The following ELAPOR2 variants were observed in gnomAD, a reference collection of about 807,000 sequenced individuals.
The protein encoded by ELAPOR2 is endosome/lysosome-associated apoptosis and autophagy regulator family member 2.
In ELAPOR2, 89 loss-of-function variants were observed where a neutral mutation model predicts 120.7. That is an observed-to-expected ratio of 0.74 (90% CI 0.62 to 0.88). The LOEUF is 0.88. ELAPOR2 is among the 40% of genes least tolerant of loss of function. The probability of loss-of-function intolerance (pLI) is 0.00; values close to 1 mark genes in which losing one functional copy is unlikely to be tolerated. For synonymous variants in ELAPOR2, 444 were observed against 444.9 expected (o/e 1.00, Z 0.03); for missense variants, 1,134 against 1,251.6 (o/e 0.91, Z 1.42).
chr7:86,877,929 G>A lies in ELAPOR2; in HGVS notation c.*2542C>T, dbSNP rs1799230024. ...TAATTCAGTGAACACATATCAAAAT[G>A]CTCAATGTTGTTAAATGACATAATA... On this transcript the variant is annotated 3_prime_UTR_variant, in exon 22 of 22. Coordinates refer to ENST00000450689, the MANE Select transcript of ELAPOR2 (RefSeq NM_001142749.3). 6.6e-6 allele frequency: 1 copy of A among 152,104 alleles called. No homozygotes were observed. Among genetic ancestry groups the A allele is most frequent in the African/African-American group, 2.4e-5 (1 of 41,410 alleles). 9.4% of individuals were successfully genotyped at this position (152,104 alleles called of 1,614,324 possible). A position where few individuals can be genotyped will look rare whatever the true frequency, so the allele number is the denominator to read the frequency against.
chr7:86,962,246 AG>A (rs1018206839), intron 2 of ELAPOR2, among the ~76,000 whole-genome samples: 13 of 152,214 alleles, frequency 8.5e-5, no homozygotes, highest in South Asian at 2.1e-4. Context: ...TCCTCAGGAA[AG>A]GCCTCCCCCA....
At chr7:86,945,735 A>T (rs1048237478) in intron 3 of ELAPOR2, among the ~76,000 whole-genome samples, 1 of 152,174 alleles carries the variant, frequency 6.6e-6, no homozygotes, top group Admixed American at 6.5e-5. Context: ...TGCATACAGT[A>T]ATTTCTAGCC....
chr7:86,918,323 C>CAAAAAAAA (rs370415220), intron 12 of ELAPOR2, 119 bp downstream of exon 12: 5 of 173,942 alleles, frequency 2.9e-5, no homozygotes, highest in Admixed American at 1.1e-4. Flanking sequence ...CTAAGAATAG[C>CAAAAAAAA]AAAAAAAAAA....
intron 1 of ELAPOR2, among the ~76,000 whole-genome samples, chr7:86,977,885 A>G (rs1196806454): frequency 6.6e-6 from 1 of 152,222 alleles, no homozygotes; most frequent in Non-Finnish European, 1.5e-5. Context: ...TTTTGCAAGT[A>G]ATAAGTATTA....
intron 18 of ELAPOR2, among the ~76,000 whole-genome samples, chr7:86,905,715 T>G (rs1442267705): frequency 6.6e-6 from 1 of 152,174 alleles, no homozygotes; most frequent in Non-Finnish European, 1.5e-5. Context: ...TGCCTTGTGG[T>G]TTTTAAAAAT....
At chr7:86,972,378 G>A (rs1792134908) in intron 1 of ELAPOR2, among the ~76,000 whole-genome samples, 1 of 152,052 alleles carries the variant, frequency 6.6e-6, no homozygotes, top group African/African-American at 2.4e-5. Flanking sequence ...TCTCAGGAAT[G>A]CAACTTCCTT....
At chr7:86,888,378 C>T (rs537854952) in intron 21 of ELAPOR2, among the ~76,000 whole-genome samples, 198 of 152,112 alleles carry the variant, frequency 1.3e-3, no homozygotes, top group African/African-American at 4.4e-3. Context: ...CAGCTTAGAC[C>T]CTGAGAAGTA....
chr7:86,938,733 G>T, intron 7 of ELAPOR2, 75 bp downstream of exon 7: 2 of 1,496,208 alleles, frequency 1.3e-6, no homozygotes, highest in Non-Finnish European at 1.8e-6. Context: ...CTTTATGGGT[G>T]ACTTCTGGTT....
At position 86,914,780 on chromosome 7, in the gene ELAPOR2, G is replaced by T; in HGVS notation, c.1674C>A (p.Phe558Leu). Residue 558 changes from phenylalanine to leucine, a missense_variant, in exon 13 of 22, where the codon TTC becomes TTA. Coordinates refer to ENST00000450689, the MANE Select transcript of ELAPOR2 (RefSeq NM_001142749.3). ...ATGTAAATGTAAAAGTTGCATTCTT[G>T]AAGATGATATGGGTGTAAGCTTGTT... ...KEKQAYTHII[F>L]KNATFTFTWA... 1 of 1,612,730 alleles carries T rather than the reference G, an allele frequency of 6.2e-7. No homozygotes were observed. The highest frequency in any genetic ancestry group is 8.5e-7 in the Non-Finnish European group (1 of 1,179,120).
intron 1 of ELAPOR2, among the ~76,000 whole-genome samples, chr7:87,032,334 G>A (rs949615448): frequency 2.6e-5 from 4 of 152,222 alleles, no homozygotes; most frequent in Admixed American, 2.6e-4. Context: ...GCTAATATCT[G>A]TAAAACACTT....
At chr7:86,975,583 CT>C (rs748653745) in intron 1 of ELAPOR2, among the ~76,000 whole-genome samples, 3 of 152,150 alleles carry the variant, frequency 2.0e-5, no homozygotes, top group African/African-American at 2.4e-5. Context: ...TTTCCTATTT[CT>C]TTAGGTAACA....
chr7:86,927,769 C>A (rs946807559), intron 8 of ELAPOR2, among the ~76,000 whole-genome samples: 5 of 151,982 alleles, frequency 3.3e-5, no homozygotes, highest in African/African-American at 1.2e-4. Flanking sequence ...AAAAGGAATT[C>A]TAAATGCAAA....
intron 2 of ELAPOR2, among the ~76,000 whole-genome samples, chr7:86,956,094 G>C (rs1791460926): frequency 6.6e-6 from 1 of 152,152 alleles, no homozygotes; most frequent in South Asian, 2.1e-4. Context: ...TGAAGTAACA[G>C]ATGCAAAGCT....
intron 1 of ELAPOR2, among the ~76,000 whole-genome samples, chr7:86,967,288 T>C (rs1791943146): frequency 6.6e-6 from 1 of 151,966 alleles, no homozygotes; most frequent in Non-Finnish European, 1.5e-5. Flanking sequence ...GGCGAAACCC[T>C]GTCTCTACTA....
intron 21 of ELAPOR2, among the ~76,000 whole-genome samples, chr7:86,887,238 C>T (rs1299587508): frequency 6.6e-6 from 1 of 152,104 alleles, no homozygotes; most frequent in Non-Finnish European, 1.5e-5. Flanking sequence ...CTGATAGAGA[C>T]TAGACAAGAC....
chr7:86,898,679 C>A (rs1387681587), intron 18 of ELAPOR2, among the ~76,000 whole-genome samples: 2 of 151,486 alleles, frequency 1.3e-5, no homozygotes, highest in Admixed American at 6.6e-5. Flanking sequence ...CAAAGAAATT[C>A]CTGCAAAGGA....
rs1380279517 is a variant in ELAPOR2, at chr7:86,909,139, A to T, written c.2360-596T>A. On this transcript the variant is annotated intron_variant, in intron 16 of 21. Coordinates refer to ENST00000450689, the MANE Select transcript of ELAPOR2 (RefSeq NM_001142749.3). ...CAATCTGAGCAACCCCCACCCCAGTAACTGACCTTGGTGCTGAAAGTCAAT... is the reference window on the plus strand; with the variant it reads ...CAATCTGAGCAACCCCCACCCCAGTTACTGACCTTGGTGCTGAAAGTCAAT... 5.9e-5 allele frequency among the ~76,000 whole-genome samples: 9 copies of T among 152,092 alleles called. No homozygotes were observed. In the East Asian group the frequency reaches 1.7e-3, roughly 29 times the overall value.
At chr7:86,905,128 A>AAGG (rs1562910037) in intron 18 of ELAPOR2, among the ~76,000 whole-genome samples, 56 of 147,314 alleles carry the variant, frequency 3.8e-4, no homozygotes, top group African/African-American at 1.2e-3. Flanking sequence ...GGAAGGAAGG[A>AAGG]AAGAAAGAAA....
chr7:86,900,922 C>T (rs1411008784), intron 18 of ELAPOR2, among the ~76,000 whole-genome samples: 1 of 152,132 alleles, frequency 6.6e-6, no homozygotes, highest in Admixed American at 6.6e-5. Context: ...TGTTTTATTG[C>T]CAAGTACTTG....
Sources: allele counts gnomAD v4.1 joint callset (sites outside exome capture counted in the v4.1 genomes callset), GRCh38; gene constraint gnomAD v4.1.1; transcripts MANE v1.5; gene names NCBI Gene and HGNC (gene_info 2026-07-23, HGNC 2026-07-21).